The following APMAP variants were observed in gnomAD, a reference collection of about 807,000 sequenced individuals.
APMAP encodes the protein adipocyte plasma membrane-associated protein.
In APMAP, 33 loss-of-function variants were observed where a neutral mutation model predicts 43.6. The observed-to-expected ratio is 0.76, with a 90% CI of 0.57 to 1.01. APMAP has a LOEUF of 1.01. Among genes scored for constraint, APMAP ranks in the 50% least tolerant of loss-of-function variants. The pLI, the probability that APMAP is intolerant of heterozygous loss-of-function variation, is 0.00. For synonymous variants in APMAP, 224 were observed against 216.7 expected (o/e 1.03, Z -0.30); for missense variants, 498 against 540.7 (o/e 0.92, Z 0.78).
intron 1 of APMAP, among the ~76,000 whole-genome samples, chr20:24,988,811 A>C (rs1427733759): frequency 6.6e-6 from 1 of 152,256 alleles, no homozygotes; most frequent in East Asian, 1.9e-4. Flanking sequence ...GTCACGTATT[A>C]GAAATACTAG....
chr20:24,973,121 C>G (rs768248289), intron 4 of APMAP, among the ~76,000 whole-genome samples: 1 of 152,144 alleles, frequency 6.6e-6, no homozygotes, highest in Non-Finnish European at 1.5e-5. Flanking sequence ...TAAAAACATT[C>G]CAGCTATTAA....
chr20:24,963,893 C>T lies in APMAP; in HGVS notation c.1171G>A (p.Val391Met), dbSNP rs1251395270. The stretch of plus-strand genomic sequence containing the variant: ...TACAGGTGCCCATCGTGTTCGTGCA[C>T]CTCGCTGATGTAGGTGGCCACCAGC... ...DGLVATYISE[V>M]HEHDGHLYLG... The change falls in exon 9 of 9, where the codon GTG becomes ATG. Residue 391 changes from valine to methionine, a missense_variant. Val to Met is a conservative substitution (Grantham distance 21). Coordinates refer to ENST00000217456, the MANE Select transcript of APMAP (RefSeq NM_020531.3). 1 of 1,614,124 alleles carries T rather than the reference C, an allele frequency of 6.2e-7. No homozygotes were observed. The highest frequency in any genetic ancestry group is 2.2e-5 in the East Asian group (1 of 44,902).
chr20:24,969,371 G>C (rs898718433), intron 7 of APMAP, among the ~76,000 whole-genome samples, 155 bp downstream of exon 7: 1 of 152,194 alleles, frequency 6.6e-6, no homozygotes, highest in Non-Finnish European at 1.5e-5. Flanking sequence ...CTCGCAATGG[G>C]AGAAAGAAAG....
intron 8 of APMAP, 33 bp downstream of exon 8, chr20:24,968,859 T>C (rs754334616): frequency 6.5e-7 from 1 of 1,543,962 alleles, no homozygotes; most frequent in South Asian, 1.2e-5. Context: ...TCATTTCCAT[T>C]TTCTTTCTTG....
Position 24,969,015 on chromosome 20 carries a change from G to A in APMAP, c.918C>T (p.Asp306=), listed in dbSNP as rs761546474. 1.9e-6 allele frequency: 3 copies of A among 1,613,914 alleles called. No individual in the cohort carries two copies. In the East Asian group the frequency reaches 6.7e-5, roughly 36 times the overall value. The stretch of plus-strand genomic sequence containing the variant: ...CCCCAGAGCTGCTGGGCCGGATGTT[G>A]TCTGGAAATCCAGGCATGTTCTCCA... ...LFVENMPGFP[D]NIRPSSSGGY... Residue 306 remains aspartate, a synonymous_variant, in exon 8 of 9, where the codon GAC becomes GAT. Coordinates refer to ENST00000217456, the MANE Select transcript of APMAP (RefSeq NM_020531.3).
intron 8 of APMAP, among the ~76,000 whole-genome samples, chr20:24,965,882 G>A (rs181595548): frequency 7.2e-5 from 11 of 152,338 alleles, no homozygotes; most frequent in Non-Finnish European, 1.6e-4. Context: ...AAAATAAGGG[G>A]AGAAAACTTG....
chr20:24,964,830 C>T (rs924456360), intron 8 of APMAP, among the ~76,000 whole-genome samples: 2 of 152,128 alleles, frequency 1.3e-5, no homozygotes, highest in African/African-American at 4.8e-5. Flanking sequence ...CGAATAATGT[C>T]TCCCAGTCAC....
intron 8 of APMAP, among the ~76,000 whole-genome samples, chr20:24,967,436 C>T (rs536870750): frequency 1.3e-5 from 2 of 152,366 alleles, no homozygotes; most frequent in Admixed American, 1.3e-4. Flanking sequence ...TTCCCTCATG[C>T]TTGCAGCCCC....
At chr20:24,991,639 G>A (rs2088193240) in intron 1 of APMAP, among the ~76,000 whole-genome samples, 1 of 152,172 alleles carries the variant, frequency 6.6e-6, no homozygotes, top group East Asian at 1.9e-4. Flanking sequence ...ACCACCTCTT[G>A]GCACACTACT....
In APMAP at chr20:24,971,469, G is replaced by A; in HGVS notation, c.529C>T (p.Pro177Ser). Reference protein sequence around the residue: ...DAYKGLFEVNPWKREVKLLLS... With the variant: ...DAYKGLFEVNSWKREVKLLLS... ...AGATATTGTCACATACGTTTCCAGG[G>A]ATTTACTTCAAATAGTCCCTTGTAT... The change falls in exon 5 of 9, where the codon CCC becomes TCC. Residue 177 changes from proline to serine, a missense_variant. Coordinates refer to ENST00000217456, the MANE Select transcript of APMAP (RefSeq NM_020531.3). 1.2e-6 allele frequency: 2 copies of A among 1,613,350 alleles called. No homozygotes were observed.
chr20:24,963,907 G>C lies in APMAP; in HGVS notation c.1157C>G (p.Thr386Ser), dbSNP rs747436800. 3.7e-6 allele frequency: 6 copies of C among 1,614,124 alleles called. No individual in the cohort carries two copies. The highest frequency in any genetic ancestry group is 5.1e-6 in the Non-Finnish European group (6 of 1,180,054). ...GTGTTCGTGCACCTCGCTGATGTAG[G>C]TGGCCACCAGCCCATCGGGATCATG... is the stretch of plus-strand genomic sequence containing the variant. ...SLHDPDGLVA[T>S]YISEVHEHDG... is the part of the protein sequence containing the mutation. Residue 386 changes from threonine to serine, a missense_variant, in exon 9 of 9, where the codon ACC becomes AGC. Physicochemically the swap from Thr to Ser is moderately conservative, Grantham distance 58 (BLOSUM62 1). Coordinates refer to ENST00000217456, the MANE Select transcript of APMAP (RefSeq NM_020531.3).
chr20:24,989,323 A>T (rs1321497849), intron 1 of APMAP, among the ~76,000 whole-genome samples: 1 of 152,028 alleles, frequency 6.6e-6, no homozygotes, highest in Non-Finnish European at 1.5e-5. Flanking sequence ...GAAATTGCCT[A>T]CACTCTCTGA....
intron 8 of APMAP, among the ~76,000 whole-genome samples, chr20:24,968,642 A>G (rs1332237048): frequency 1.3e-5 from 2 of 152,230 alleles, no homozygotes; most frequent in African/African-American, 4.8e-5. Context: ...AGAGACTGAC[A>G]GGCAGGCAGA....
At chr20:24,991,102 G>A (rs2088188146) in intron 1 of APMAP, among the ~76,000 whole-genome samples, 1 of 152,168 alleles carries the variant, frequency 6.6e-6, no homozygotes, top group South Asian at 2.1e-4. Flanking sequence ...AGAAGTGTGA[G>A]CCAGCCAACT....
intron 5 of APMAP, 105 bp downstream of exon 5, chr20:24,971,355 G>C (rs2087997725): frequency 9.9e-7 from 1 of 1,006,394 alleles, no homozygotes; most frequent in African/African-American, 1.6e-5. Flanking sequence ...AAATATCAGA[G>C]TCTTTAGTAG....
intron 2 of APMAP, among the ~76,000 whole-genome samples, chr20:24,981,167 A>G (rs1182558474): frequency 6.6e-6 from 1 of 152,204 alleles, no homozygotes; most frequent in African/African-American, 2.4e-5. Context: ...TTTGCCAAAA[A>G]CCTGCCCTGC....
In APMAP at chr20:24,963,773, G is replaced by T; in HGVS notation, c.*40C>A. Reference sequence around the variant, plus strand: ...ACCAGGCCTGGTGCCTGAGTGTGAAGACTCCTGGCCTGCGTGGCAGGGGCA... The same window carrying T: ...ACCAGGCCTGGTGCCTGAGTGTGAATACTCCTGGCCTGCGTGGCAGGGGCA... On this transcript the variant is annotated 3_prime_UTR_variant, in exon 9 of 9. Coordinates refer to ENST00000217456, the MANE Select transcript of APMAP (RefSeq NM_020531.3). The T allele has an allele frequency of 6.3e-7, 1 of 1,593,048 alleles. No individual in the cohort carries two copies.
At chr20:24,968,771 C>G in intron 8 of APMAP, 121 bp downstream of exon 8, 1 of 949,724 alleles carries the variant, frequency 1.1e-6, no homozygotes, top group Non-Finnish European at 1.5e-6. Flanking sequence ...AAATGTGTTT[C>G]TAAGTGTCAT....
intron 8 of APMAP, among the ~76,000 whole-genome samples, chr20:24,967,359 T>C (rs1346614582): frequency 6.6e-6 from 1 of 152,196 alleles, no homozygotes; most frequent in Non-Finnish European, 1.5e-5. Flanking sequence ...TGAACCTTCT[T>C]TCCAAGTCCA....
Sources: gnomAD v4.1 joint callset for allele counts (sites outside exome capture counted in the v4.1 genomes callset) on GRCh38, gnomAD v4.1.1 for gene constraint, MANE v1.5 for transcripts, NCBI Gene and HGNC (gene_info 2026-07-23, HGNC 2026-07-21) for gene names.